The following PAK4 variants were observed in gnomAD, a reference collection of about 807,000 sequenced individuals.
PAK4 encodes serine/threonine-protein kinase PAK 4.
In PAK4, 49 loss-of-function variants were observed where a neutral mutation model predicts 53.5. The ratio of observed to expected loss-of-function variants is 0.92; its 90% CI spans 0.73 to 1.16. The LOEUF is 1.16. PAK4 is among the 50% of genes most tolerant of loss of function. The pLI, the probability that PAK4 is intolerant of heterozygous loss-of-function variation, is 0.00. For missense variants in PAK4, 824 were observed against 850.7 expected, an observed-to-expected ratio of 0.97 and a Z score of 0.39; for synonymous variants, 376 against 375.6, an observed-to-expected ratio of 1.00 and a Z score of -0.01.
chr19:39,176,627 G>A (rs1314628396), exon 7 of PAK4: 7 of 1,613,728 alleles, frequency 4.3e-6, no homozygotes, highest in Non-Finnish European at 5.9e-6. Flanking sequence ...GCCCAGGTGA[G>A]CAAGGAAGTG....
chr19:39,132,605 G>A lies in PAK4; in HGVS notation c.-23+6686G>A, dbSNP rs148274705. 2.7e-3 allele frequency among the ~76,000 whole-genome samples: 416 copies of A among 152,364 alleles called. 3 individuals carry two copies. Among genetic ancestry groups the A allele is most frequent in the African/African-American group, 9.4e-3 (392 of 41,588 alleles). On this transcript the variant is annotated intron_variant, in intron 1 of 8. Transcript: ENST00000358301. ...GCCATCAGGCCATTCCCATCTTTCC[G>A]TGCTGTGAACAGGGCTGCGCCCGCC...
intron 1 of PAK4, among the ~76,000 whole-genome samples, chr19:39,129,221 T>C (rs560000058): frequency 6.6e-6 from 1 of 151,476 alleles, no homozygotes; most frequent in South Asian, 2.1e-4. Flanking sequence ...GAGCTGAGCA[T>C]TGGAGTCTGG....
chr19:39,143,278 G>C (rs1202070737), intron 1 of PAK4, among the ~76,000 whole-genome samples: 2 of 136,428 alleles, frequency 1.5e-5, no homozygotes, highest in South Asian at 5.1e-4. Context: ...TTGCTCACTG[G>C]GTAGAAGCAT....
At position 39,143,226 on chromosome 19, in the gene PAK4, A is replaced by G. The variant is rs867527811; in HGVS notation, c.-23+17307A>G. 5.3e-5 allele frequency among the ~76,000 whole-genome samples: 8 copies of G among 150,972 alleles called. No individual in the cohort carries two copies. The Middle Eastern group carries it at 0.017, about 325-fold the overall frequency. On this transcript the variant is annotated intron_variant, in intron 1 of 8. Coordinates refer to ENST00000358301, the Ensembl canonical transcript of PAK4. ...ATTCACTGCTGTGTCCCTGGTGCCTAGAACAGTGCCTGGCACCTGCTAAGT... is the reference window on the plus strand; with the variant it reads ...ATTCACTGCTGTGTCCCTGGTGCCTGGAACAGTGCCTGGCACCTGCTAAGT...
chr19:39,154,163 CT>C (rs1332649972), intron 1 of PAK4, among the ~76,000 whole-genome samples: 1 of 152,138 alleles, frequency 6.6e-6, no homozygotes, highest in Non-Finnish European at 1.5e-5. Flanking sequence ...TTTCTAGTCT[CT>C]TCTCGCGTGT....
chr19:39,150,910 C>T (rs1600346910), intron 1 of PAK4, among the ~76,000 whole-genome samples: 1 of 152,132 alleles, frequency 6.6e-6, no homozygotes, highest in East Asian at 1.9e-4. Context: ...GCGTGTGGTG[C>T]TTGACTATAA....
intron 1 of PAK4, among the ~76,000 whole-genome samples, chr19:39,138,153 A>T (rs71356839): frequency 0.24 from 35,825 of 151,704 alleles, 4,515 homozygotes; most frequent in East Asian, 0.4. Flanking sequence ...TAATGGGCTA[A>T]TTTTTTTTAT....
chr19:39,147,013 A>G (rs948649233), intron 1 of PAK4, among the ~76,000 whole-genome samples: 2 of 117,208 alleles, frequency 1.7e-5, no homozygotes, highest in Admixed American at 8.3e-5. Flanking sequence ...CACCTGCGAG[A>G]CTGTAGTACC....
chr19:39,175,094 G>A lies in PAK4; in HGVS notation c.1232+30G>A. On this transcript the variant is annotated intron_variant, in intron 5 of 8. Coordinates refer to ENST00000358301, the Ensembl canonical transcript of PAK4. The surrounding 1 kb of genome is among the most constrained non-coding windows in gnomAD (Gnocchi z 4.7). ...TTCTGGGGCCTCAGACCCCTCCTGT[G>A]ACACGACCAAGTCCCCTCCAGACCA... The A allele has an allele frequency of 6.3e-7, 1 of 1,586,594 alleles. No individual in the cohort carries two copies. Among genetic ancestry groups the A allele is most frequent in the Non-Finnish European group, 8.6e-7 (1 of 1,165,972 alleles).
intron 1 of PAK4, among the ~76,000 whole-genome samples, chr19:39,142,374 G>A (rs2073924761): frequency 6.6e-6 from 1 of 152,224 alleles, no homozygotes; most frequent in African/African-American, 2.4e-5. Context: ...GCTTGGATGA[G>A]CATCAGAATT....
At chr19:39,140,713 C>G (rs1334506375) in intron 1 of PAK4, among the ~76,000 whole-genome samples, 3 of 152,224 alleles carry the variant, frequency 2.0e-5, no homozygotes, top group Non-Finnish European at 2.9e-5. Context: ...TCCCCCTACC[C>G]CTCTCCAGCG....
downstream of PAK4, chr19:39,180,845 G>GGGAAC (rs1192587259): frequency 3.3e-5 from 5 of 152,236 alleles, no homozygotes; most frequent in African/African-American, 4.8e-5. Context: ...CTGTGACCAT[G>GGGAAC]GTTCCAGACC....
chr19:39,142,910 C>A, intron 1 of PAK4, among the ~76,000 whole-genome samples: 1 of 152,086 alleles, frequency 6.6e-6, no homozygotes, highest in Non-Finnish European at 1.5e-5. Context: ...TTAACATAAA[C>A]CTCCTTGACC....
intron 1 of PAK4, among the ~76,000 whole-genome samples, chr19:39,140,322 C>G (rs2073889154): frequency 6.6e-6 from 1 of 152,126 alleles, no homozygotes; most frequent in Admixed American, 6.5e-5. Flanking sequence ...GCTGATGTCA[C>G]CACGCTGGCC....
chr19:39,127,916 C>T (rs921319135), intron 1 of PAK4, among the ~76,000 whole-genome samples: 2 of 152,106 alleles, frequency 1.3e-5, no homozygotes, highest in East Asian at 1.9e-4. Flanking sequence ...GGTCAGGACT[C>T]GGGTGCACAG....
chr19:39,141,169 G>T lies in PAK4; in HGVS notation c.-23+15250G>T, dbSNP rs372433371. ...CCTGTCAGCAGCTCAGCAGGTAGCA[G>T]CTGTGGCCAGGCCTTGTCGCCTGTG... On this transcript the variant is annotated intron_variant, in intron 1 of 8. Coordinates refer to ENST00000358301, the Ensembl canonical transcript of PAK4. 5.3e-4 allele frequency among the ~76,000 whole-genome samples: 81 copies of T among 152,294 alleles called. 1 individual carries two copies. In the South Asian group the frequency reaches 0.015, roughly 28 times the overall value.
intron 1 of PAK4, among the ~76,000 whole-genome samples, chr19:39,153,815 TCAAGTAATCCTCCCGCCTCGGCATCC>T (rs1217122548): frequency 6.6e-6 from 1 of 152,114 alleles, no homozygotes; most frequent in East Asian, 1.9e-4. Context: ...ACTCCTGGCC[TCAAGTAATCCTCCCGCCTCGGCATCC>T]CAAAGTGCTG....
downstream of PAK4, chr19:39,181,132 C>G (rs1286350413): frequency 6.6e-6 from 1 of 152,252 alleles, no homozygotes; most frequent in East Asian, 1.9e-4. Flanking sequence ...TTTTTAGAGA[C>G]AAGATGTTGC....
chr19:39,138,663 A>C (rs1404376418), intron 1 of PAK4, among the ~76,000 whole-genome samples: 2 of 152,164 alleles, frequency 1.3e-5, no homozygotes, highest in African/African-American at 4.8e-5. Flanking sequence ...GCAGGAGGCC[A>C]CTTCTCCCAT....
Sources: gnomAD v4.1 joint callset for allele counts (sites outside exome capture counted in the v4.1 genomes callset) on GRCh38, gnomAD v4.1.1 for gene constraint, Gnocchi (gnomAD v3.1) non-coding constraint, MANE v1.5 for transcripts, NCBI Gene and HGNC (gene_info 2026-07-23, HGNC 2026-07-21) for gene names.